CPQ: variants seen among roughly 807,000 people sequenced by gnomAD.
The protein encoded by CPQ is carboxypeptidase Q, also known as Ser-Met dipeptidase.
CPQ carries 37 observed loss-of-function variants against 45.7 expected under a neutral mutation model. The ratio of observed to expected loss-of-function variants is 0.81; its 90% confidence interval spans 0.62 to 1.07. The LOEUF (loss-of-function observed/expected upper bound fraction) is 1.07, where lower values mean the gene tolerates loss of function less well. CPQ is among the 50% of genes least tolerant of loss of function. CPQ has a pLI of 0.00. For missense variants in CPQ, 537 were observed against 572.9 expected (o/e 0.94, Z 0.64); for synonymous variants, 186 against 205.8 (o/e 0.90, Z 0.82).
chr8:96,805,809 G>T (rs907689308), intron 2 of CPQ, among the ~76,000 whole-genome samples: 2 of 151,908 alleles, frequency 1.3e-5, no homozygotes, highest in Non-Finnish European at 2.9e-5. Context: ...CACACTAGAT[G>T]ACCTCATTTG....
intron 2 of CPQ, among the ~76,000 whole-genome samples, chr8:96,830,319 T>C (rs545438356): frequency 6.6e-6 from 1 of 152,250 alleles, no homozygotes; most frequent in South Asian, 2.1e-4. Flanking sequence ...TATCTTCTTA[T>C]TGTTAACTGT....
chr8:96,966,487 A>G (rs1481768650), intron 5 of CPQ, among the ~76,000 whole-genome samples: 1 of 152,246 alleles, frequency 6.6e-6, no homozygotes, highest in Non-Finnish European at 1.5e-5. Context: ...AATGATTTCC[A>G]TAGCCACAAT....
At chr8:96,821,941 A>C (rs974926946) in intron 2 of CPQ, among the ~76,000 whole-genome samples, 2 of 152,010 alleles carry the variant, frequency 1.3e-5, no homozygotes, top group Non-Finnish European at 2.9e-5. Context: ...CTATCCTCTT[A>C]GCAATTTTCA....
intron 1 of CPQ, among the ~76,000 whole-genome samples, chr8:96,663,206 A>T (rs1365616743): frequency 6.6e-6 from 1 of 152,152 alleles, no homozygotes; most frequent in Non-Finnish European, 1.5e-5. Context: ...GCCCCGAAAC[A>T]TCTTCAGAAG....
intron 4 of CPQ, among the ~76,000 whole-genome samples, chr8:96,926,558 C>CTCTTCG (rs1272004912): frequency 1.1e-5 from 1 of 89,612 alleles, no homozygotes; most frequent in African/African-American, 5.7e-5. Flanking sequence ...CTTCCTCTTC[C>CTCTTCG]TCTTCCTCTT....
In CPQ at chr8:96,712,220, G is replaced by T. The variant is rs532708258; in HGVS notation, c.-35+66818G>T. On this transcript the variant is annotated intron_variant, in intron 1 of 7. Transcript: ENST00000220763. Reference sequence around the variant, plus strand: ...CACCCCTGTGACTTTGCAGGGTACAGCCCCTCTCCCAGCTGCTTTCACAGC... The same window carrying T: ...CACCCCTGTGACTTTGCAGGGTACATCCCCTCTCCCAGCTGCTTTCACAGC... Among the ~76,000 whole-genome samples the T allele has an allele frequency of 9.2e-5, 14 of 152,300 alleles. No homozygotes were observed. The East Asian group carries it at 2.3e-3, about 25-fold the overall frequency.
intron 3 of CPQ, among the ~76,000 whole-genome samples, chr8:96,849,735 C>CCCA (rs1187337956): frequency 6.6e-6 from 1 of 152,138 alleles, no homozygotes; most frequent in African/African-American, 2.4e-5. Context: ...CCTCATCCTC[C>CCCA]CCACCATCAC....
chr8:96,726,509 C>A (rs891675272), intron 1 of CPQ, among the ~76,000 whole-genome samples: 1 of 152,026 alleles, frequency 6.6e-6, no homozygotes, highest in African/African-American at 2.4e-5. Context: ...TAGTGGAAGG[C>A]AAACAGCGAG....
chr8:96,845,162 T>C (rs1193559258), intron 3 of CPQ, among the ~76,000 whole-genome samples: 2 of 152,218 alleles, frequency 1.3e-5, no homozygotes, highest in Non-Finnish European at 2.9e-5. Flanking sequence ...CTATACTAAG[T>C]AGAGTAGCAC....
intron 5 of CPQ, among the ~76,000 whole-genome samples, chr8:97,003,170 C>G (rs1809314440): frequency 1.3e-5 from 2 of 152,060 alleles, no homozygotes; most frequent in Non-Finnish European, 2.9e-5. Context: ...TGACATTGGT[C>G]TCTTAAAGAC....
intron 1 of CPQ, among the ~76,000 whole-genome samples, chr8:96,746,176 G>GA (rs1353564757): frequency 6.6e-6 from 1 of 152,152 alleles, no homozygotes; most frequent in Non-Finnish European, 1.5e-5. Flanking sequence ...TTAGATAGGA[G>GA]AAAAACAAGT....
intron 1 of CPQ, among the ~76,000 whole-genome samples, chr8:96,664,425 A>C (rs760413774): frequency 4.6e-5 from 7 of 152,058 alleles, no homozygotes; most frequent in Non-Finnish European, 8.8e-5. Flanking sequence ...CATGAGGGGG[A>C]ATAGGAGTGA....
chr8:96,838,785 G>A (rs1035632166), intron 3 of CPQ, among the ~76,000 whole-genome samples: 7 of 152,184 alleles, frequency 4.6e-5, no homozygotes, highest in Non-Finnish European at 8.8e-5. Context: ...CAGGGCTCTC[G>A]TAACAAACCA....
At chr8:97,059,196 C>A (rs923307097) in intron 6 of CPQ, among the ~76,000 whole-genome samples, 2 of 152,072 alleles carry the variant, frequency 1.3e-5, no homozygotes, top group African/African-American at 4.8e-5. Context: ...GAACAGAATA[C>A]CTCTGTGCAC....
chr8:96,652,110 T>C (rs948560742), intron 1 of CPQ, among the ~76,000 whole-genome samples: 1 of 152,204 alleles, frequency 6.6e-6, no homozygotes. Flanking sequence ...CTTTGAACCC[T>C]TTGGCATTCC....
intron 1 of CPQ, among the ~76,000 whole-genome samples, chr8:96,768,061 C>G (rs976658965): frequency 6.6e-6 from 1 of 152,094 alleles, no homozygotes; most frequent in Non-Finnish European, 1.5e-5. Context: ...CTTCCTAATT[C>G]CTTTTTTTAA....
intron 7 of CPQ, among the ~76,000 whole-genome samples, chr8:97,079,969 T>C (rs1051926584): frequency 1.8e-4 from 27 of 152,234 alleles, no homozygotes; most frequent in African/African-American, 6.3e-4. Context: ...CTAGAAACTT[T>C]TGAAGGTTTG....
At chr8:97,118,118 C>T (rs1176799901) in intron 7 of CPQ, among the ~76,000 whole-genome samples, 1 of 152,076 alleles carries the variant, frequency 6.6e-6, no homozygotes, top group Non-Finnish European at 1.5e-5. Context: ...AATCAAAAAT[C>T]ATTTATTTAG....
intron 5 of CPQ, among the ~76,000 whole-genome samples, chr8:96,971,572 A>G (rs1020028150): frequency 6.6e-6 from 1 of 152,184 alleles, no homozygotes; most frequent in African/African-American, 2.4e-5. Context: ...TTTGGGAACA[A>G]AGGAAGGGAG....
Sources: allele counts gnomAD v4.1 joint callset (sites outside exome capture counted in the v4.1 genomes callset), GRCh38; gene constraint gnomAD v4.1.1; transcripts MANE v1.5; gene names NCBI Gene and HGNC (gene_info 2026-07-23, HGNC 2026-07-21).